ANAPC4: variants seen among roughly 807,000 people sequenced by gnomAD.
ANAPC4 encodes anaphase-promoting complex subunit 4.
ANAPC4 carries 63 observed loss-of-function variants against 119.8 expected under a neutral mutation model. That is an observed-to-expected ratio of 0.53 (90% CI 0.43 to 0.65). The LOEUF (loss-of-function observed/expected upper bound fraction) is 0.65, where lower values mean the gene tolerates loss of function less well. ANAPC4 is among the 30% of genes least tolerant of loss of function. The pLI, the probability that ANAPC4 is intolerant of heterozygous loss-of-function variation, is 0.00. For missense variants in ANAPC4, 716 were observed against 945.1 expected (o/e 0.76, Z 3.18); for synonymous variants, 283 against 318.6 (o/e 0.89, Z 1.19).
rs149749991 is a variant in ANAPC4, at chr4:25,414,479, C to T, written c.1699C>T (p.Arg567Cys). The change falls in exon 24 of 29, where the codon CGT (arginine) becomes TGT (cysteine). Residue 567 changes from arginine to cysteine, a missense_variant. Coordinates refer to ENST00000315368, the MANE Select transcript of ANAPC4 (RefSeq NM_013367.3). ...YRDTRSEDST[R>C]RLFKFPFLWN... ...CTTTTATTTTAGTGAGGATTCTACA[C>T]GTAGATTGTTCAAATTTCCTTTTCT... 3.3e-5 allele frequency: 53 copies of T among 1,599,612 alleles called. No individual in the cohort carries two copies. The highest frequency in any genetic ancestry group is 5.4e-5 in the African/African-American group (4 of 74,414).
rs748983730 is a variant in ANAPC4, at chr4:25,414,337, A to G, written c.1637A>G (p.Lys546Arg). The G allele has an allele frequency of 1.9e-6, 3 of 1,589,892 alleles. No individual in the cohort carries two copies. In the South Asian group the frequency reaches 3.4e-5, roughly 18 times the overall value. Reference protein sequence around the residue: ...CLQKPADVIGKSMNQAICIPL... With the variant: ...CLQKPADVIGRSMNQAICIPL... ...TATTTTATATAGGATGTAATTGGAAAATCGATGAATCAAGCAATCTGTATT... is the reference window on the plus strand; with the variant it reads ...TATTTTATATAGGATGTAATTGGAAGATCGATGAATCAAGCAATCTGTATT... The change falls in exon 23 of 29, where the codon AAA (lysine) becomes AGA (arginine). Residue 546 changes from lysine to arginine, a missense_variant. Transcript: ENST00000315368.
chr4:25,392,200 G>T lies in ANAPC4; in HGVS notation c.706-138G>T, dbSNP rs1032768181. The T allele has an allele frequency of 1.6e-5, 10 of 628,644 alleles. No homozygotes were observed. In the Admixed American group the frequency reaches 1.6e-4, roughly 10 times the overall value. The allele number at this position is 628,644 out of a possible 1,614,324, so 38.9% of individuals were successfully genotyped here. On this transcript the variant is annotated intron_variant, in intron 9 of 28. Coordinates refer to ENST00000315368, the MANE Select transcript of ANAPC4 (RefSeq NM_013367.3). The stretch of plus-strand genomic sequence containing the variant: ...TTAGGAGATCCTAAGGCTATGTGCT[G>T]TTTCCAAACCGTTCTGCTCAAAGAG...
intron 21 of ANAPC4, among the ~76,000 whole-genome samples, chr4:25,411,351 CTT>C (rs931503914): frequency 1.6e-4 from 25 of 152,022 alleles, no homozygotes; most frequent in Non-Finnish European, 4.4e-5. Context: ...GTCCTGTCCT[CTT>C]TTATTTGCCC....
chr4:25,383,564 G>A (rs137985725), intron 4 of ANAPC4, among the ~76,000 whole-genome samples, 171 bp downstream of exon 4: 1 of 150,368 alleles, frequency 6.7e-6, no homozygotes, highest in African/African-American at 2.4e-5. Flanking sequence ...TTTTCCTTCC[G>A]ATAAACATCT....
At chr4:25,383,205 A>G (rs1276627114) in intron 3 of ANAPC4, 56 bp from the exon 4 acceptor site, 19 of 1,468,902 alleles carry the variant, frequency 1.3e-5, no homozygotes, top group Non-Finnish European at 1.6e-5. Flanking sequence ...GGAAATACCC[A>G]TTTATTTTTC....
chr4:25,395,908 T>G (rs1290438051), intron 14 of ANAPC4, among the ~76,000 whole-genome samples: 3 of 152,194 alleles, frequency 2.0e-5, no homozygotes, highest in Non-Finnish European at 4.4e-5. Flanking sequence ...CTAAACATAT[T>G]TCTCTCTTAA....
At chr4:25,391,591 G>C (rs1056009990) in intron 9 of ANAPC4, among the ~76,000 whole-genome samples, 3 of 152,174 alleles carry the variant, frequency 2.0e-5, no homozygotes, top group African/African-American at 7.2e-5. Context: ...ATGCTTTATT[G>C]CGTGCTGTCT....
intron 16 of ANAPC4, among the ~76,000 whole-genome samples, chr4:25,401,479 CTG>C (rs1722970948): frequency 6.6e-6 from 1 of 152,188 alleles, no homozygotes. Context: ...ATTGACCACT[CTG>C]TGTTATATTT....
rs1327343512 is a variant in ANAPC4 at position 25,394,880 on chromosome 4, A to C, written c.1036A>C (p.Lys346Gln). 1 of 1,613,454 alleles carries C rather than the reference A, an allele frequency of 6.2e-7. No homozygotes were observed. The highest frequency in any genetic ancestry group is 1.7e-5 in the Admixed American group (1 of 59,868). Residue 346 changes from lysine (K) to glutamine (Q), a missense_variant, in exon 14 of 29, where the codon AAA (lysine) becomes CAA (glutamine). Lys to Gln is a moderately conservative substitution (Grantham distance 53, BLOSUM62 1). Coordinates refer to ENST00000315368, the MANE Select transcript of ANAPC4 (RefSeq NM_013367.3). ...SIESSYSSIQ[K>Q]LVISHLQSGS... Reference sequence around the variant, plus strand: ...AGAGTCATCATACTCCAGTATACAAAAATTGGTCATAAGTCATTTACAGAG... The same window carrying C: ...AGAGTCATCATACTCCAGTATACAACAATTGGTCATAAGTCATTTACAGAG...
intron 9 of ANAPC4, among the ~76,000 whole-genome samples, chr4:25,391,542 A>G (rs1329752162): frequency 6.6e-6 from 1 of 152,248 alleles, no homozygotes; most frequent in African/African-American, 2.4e-5. Flanking sequence ...TAACTAGCAC[A>G]TTGCATCTTG....
Position 25,377,399 on chromosome 4 carries a change from G to C in ANAPC4, c.-10-19G>C, listed in dbSNP as rs780857667. The C allele has an allele frequency of 4.3e-6, 7 of 1,611,908 alleles. No individual in the cohort carries two copies. The highest frequency in any genetic ancestry group is 5.1e-6 in the Non-Finnish European group (6 of 1,178,890). ...GAGCCGGGGGCTCCTGCCGGCCTCT[G>C]ACTGGGGTGTCGTTGCAGGGCCGTC... is the stretch of plus-strand genomic sequence containing the variant. On this transcript the variant is annotated intron_variant, in intron 1 of 28. Transcript: ENST00000315368.
At chr4:25,415,229 G>GT (rs1481738111) in intron 25 of ANAPC4, 2 of 380,924 alleles carry the variant, frequency 5.3e-6, no homozygotes, top group Non-Finnish European at 9.3e-6. Flanking sequence ...TGAAGAAAAT[G>GT]TTGAGACCAC....
intron 17 of ANAPC4, among the ~76,000 whole-genome samples, chr4:25,403,243 AT>A (rs1723075497): frequency 6.6e-6 from 1 of 152,068 alleles, no homozygotes; most frequent in African/African-American, 2.4e-5. Flanking sequence ...ATATTTATTA[AT>A]TTTTTATTAG....
chr4:25,403,063 T>C, intron 17 of ANAPC4, 37 bp downstream of exon 17: 2 of 1,461,960 alleles, frequency 1.4e-6, no homozygotes, highest in Non-Finnish European at 1.9e-6. Flanking sequence ...ATTTTAACAC[T>C]TTAAAAAAAT....
intron 16 of ANAPC4, 68 bp from the exon 17 acceptor site, chr4:25,402,903 G>C (rs962205374): frequency 1.1e-6 from 1 of 869,866 alleles, no homozygotes; most frequent in South Asian, 1.8e-5. Flanking sequence ...TTTCCTGACA[G>C]TTGAGTAGGA....
Position 25,407,272 on chromosome 4 carries a change from T to C in ANAPC4, c.1431+19T>C. 1 of 1,582,418 alleles carries C rather than the reference T, an allele frequency of 6.3e-7. No individual in the cohort carries two copies. Among genetic ancestry groups the C allele is most frequent in the Non-Finnish European group, 8.6e-7 (1 of 1,165,816 alleles). ...TGGTCAGGTATGGGCTTTGAACTCATTTTAAAACCTTAGCAGTGTTCATCT... is the reference window on the plus strand; with the variant it reads ...TGGTCAGGTATGGGCTTTGAACTCACTTTAAAACCTTAGCAGTGTTCATCT... On this transcript the variant is annotated intron_variant, in intron 20 of 28. Transcript: ENST00000315368.
chr4:25,377,338 CT>C lies in ANAPC4; in HGVS notation c.-15del. The C allele has an allele frequency of 6.5e-7, 1 of 1,548,108 alleles. No individual in the cohort carries two copies. Among genetic ancestry groups the C allele is most frequent in the Non-Finnish European group, 8.7e-7 (1 of 1,145,104 alleles). ...CCGTGTTAGTCTGCCGGTGGGGACT[CT>C]TGCAGGTACAGGCGCGGTCGGGGCT... is the stretch of plus-strand genomic sequence containing the variant. On this transcript the variant is annotated 5_prime_UTR_variant, in exon 1 of 29. Coordinates refer to ENST00000315368, the MANE Select transcript of ANAPC4 (RefSeq NM_013367.3).
In ANAPC4 at chr4:25,390,912, T is replaced by C. The variant is rs1348735915; in HGVS notation, c.602T>C (p.Ile201Thr). The change falls in exon 9 of 29, where the codon ATT (isoleucine) becomes ACT (threonine). Residue 201 changes from isoleucine (I) to threonine (T), a missense_variant and splice_region_variant. Around this residue, in one of 3 missense-constraint regions of ANAPC4, gnomAD observed 202 missense variants for 293.5 expected, o/e 0.69. Coordinates refer to ENST00000315368, the MANE Select transcript of ANAPC4 (RefSeq NM_013367.3). Reference sequence around the variant, plus strand: ...CTAAGGGGTTTGACTCTTTTACAGATTGCTGGTACTTGTCTTGCATTATGT... The same window carrying C: ...CTAAGGGGTTTGACTCTTTTACAGACTGCTGGTACTTGTCTTGCATTATGT... ...GMFKIARVTGIAGTCLALCLS... is the reference protein window; with the variant it reads ...GMFKIARVTGTAGTCLALCLS... 6.2e-7 allele frequency: 1 copy of C among 1,610,942 alleles called. No homozygotes were observed. The highest frequency in any genetic ancestry group is 1.7e-5 in the Admixed American group (1 of 59,982).
chr4:25,388,269 A>G (rs981932685), intron 4 of ANAPC4, among the ~76,000 whole-genome samples: 2 of 151,624 alleles, frequency 1.3e-5, no homozygotes, highest in African/African-American at 4.8e-5. Flanking sequence ...CATTTCTCTA[A>G]ATGTAACGTG....
Sources: allele counts gnomAD v4.1 joint callset (sites outside exome capture counted in the v4.1 genomes callset), GRCh38; gene constraint gnomAD v4.1.1; regional missense constraint gnomAD v4.1.1; transcripts MANE v1.5; gene names NCBI Gene and HGNC (gene_info 2026-07-23, HGNC 2026-07-21).